The following PCDH15 variants were observed in gnomAD, a reference collection of about 807,000 sequenced individuals.
The protein encoded by PCDH15 is protocadherin-15.
Under a neutral mutation model 178.5 loss-of-function variants are expected in PCDH15, and 129 were observed. That is an observed-to-expected ratio of 0.72 (90% CI 0.63 to 0.84). The LOEUF (loss-of-function observed/expected upper bound fraction) is 0.84, where lower values mean the gene tolerates loss of function less well. Ranked by LOEUF, PCDH15 falls within the 40% of genes least tolerant of loss-of-function variation. The pLI is 0.00. For synonymous variants in PCDH15, 800 were observed against 732.0 expected, an observed-to-expected ratio of 1.09 and a Z score of -1.50; for missense variants, 2,230 against 2,099.9, an observed-to-expected ratio of 1.06 and a Z score of -1.21.
intron 3 of PCDH15, among the ~76,000 whole-genome samples, chr10:54,883,016 A>T (rs7350404): frequency 0.75 from 113,220 of 151,814 alleles, 42,595 homozygotes; most frequent in East Asian, 0.89. Flanking sequence ...AACCATAGCA[A>T]CCAAGCTGCA....
At chr10:53,808,773 TACCTGATAGCCCCATGG>T in intron 37 of PCDH15, 1 of 1,612,448 alleles carries the variant, frequency 6.2e-7, no homozygotes, top group Non-Finnish European at 8.5e-7. Flanking sequence ...CATACGCTGG[TACCTGATAGCCCCATGG>T]ACCTCCAGAC....
chr10:54,563,029 T>C lies in PCDH15; in HGVS notation c.92-35152A>G, dbSNP rs185899899. ...TTACTCATGTATAGGAGATAAAAGA[T>C]AGTGAATTCTTAGCAGGCTTCAAAC... On this transcript the variant is annotated intron_variant, in intron 2 of 37. Transcript: ENST00000644397. Among the ~76,000 whole-genome samples, 4 of 152,270 alleles carry C rather than the reference T, an allele frequency of 2.6e-5. No homozygotes were observed. In the East Asian group the frequency reaches 5.8e-4, roughly 22 times the overall value.
chr10:53,949,065 G>C (rs899050960), intron 23 of PCDH15, among the ~76,000 whole-genome samples: 2 of 152,210 alleles, frequency 1.3e-5, no homozygotes, highest in African/African-American at 4.8e-5. Context: ...TTGGACTTGA[G>C]TCCTTTGTTG....
At chr10:55,600,450 A>T (rs1023718500) in intron 2 of PCDH15, among the ~76,000 whole-genome samples, 1 of 152,182 alleles carries the variant, frequency 6.6e-6, no homozygotes, top group Admixed American at 6.5e-5. Context: ...AGTGTAAGTC[A>T]GTTATTACAC....
chr10:55,555,443 A>C (rs2132092332), intron 2 of PCDH15, among the ~76,000 whole-genome samples: 1 of 152,208 alleles, frequency 6.6e-6, no homozygotes, highest in African/African-American at 2.4e-5. Context: ...TTAAAAATTC[A>C]TTTAATCCTG....
chr10:54,888,837 T>C (rs989979629), intron 3 of PCDH15, among the ~76,000 whole-genome samples: 4 of 151,640 alleles, frequency 2.6e-5, no homozygotes, highest in African/African-American at 4.8e-5. Context: ...TTTTGAGTTT[T>C]TGTACATGCT....
intron 2 of PCDH15, among the ~76,000 whole-genome samples, chr10:55,033,213 G>T (rs988660714): frequency 3.3e-5 from 5 of 152,138 alleles, no homozygotes; most frequent in Non-Finnish European, 5.9e-5. Context: ...AGGGGGCAGG[G>T]GGACAGCTAC....
chr10:54,279,847 A>G (rs1316983741), intron 8 of PCDH15, among the ~76,000 whole-genome samples: 1 of 151,772 alleles, frequency 6.6e-6, no homozygotes, highest in East Asian at 1.9e-4. Flanking sequence ...TGCGCATGGT[A>G]GACATCTGGT....
chr10:55,319,856 T>C (rs764111746), upstream of PCDH15, among the ~76,000 whole-genome samples: 24 of 152,202 alleles, frequency 1.6e-4, no homozygotes, highest in Non-Finnish European at 2.9e-4. Flanking sequence ...CAGTGGAGCA[T>C]AGCCAGTGAC....
chr10:55,567,966 T>C (rs1007313821), intron 2 of PCDH15, among the ~76,000 whole-genome samples: 1 of 152,004 alleles, frequency 6.6e-6, no homozygotes, highest in African/African-American at 2.4e-5. Flanking sequence ...GCACTGTTAG[T>C]GGGAATAAAT....
intron 1 of PCDH15, among the ~76,000 whole-genome samples, chr10:55,226,590 C>T (rs545546697): frequency 1.3e-5 from 2 of 151,864 alleles, no homozygotes; most frequent in Non-Finnish European, 2.9e-5. Flanking sequence ...TCATGTTGGC[C>T]AGGCTGGTCT....
intron 2 of PCDH15, among the ~76,000 whole-genome samples, chr10:54,930,832 G>T (rs1837753732): frequency 6.6e-6 from 1 of 152,100 alleles, no homozygotes; most frequent in Admixed American, 6.6e-5. Flanking sequence ...ATTGAACAAA[G>T]AGATCTAATA....
chr10:55,469,672 A>C (rs1839914835), intron 2 of PCDH15, among the ~76,000 whole-genome samples: 1 of 152,012 alleles, frequency 6.6e-6, no homozygotes, highest in African/African-American at 2.4e-5. Flanking sequence ...AAATATTTTC[A>C]AGATTTCCAC....
intron 36 of PCDH15, among the ~76,000 whole-genome samples, chr10:53,811,183 G>T (rs1337775201): frequency 6.6e-6 from 1 of 152,062 alleles, no homozygotes; most frequent in East Asian, 1.9e-4. Context: ...TTTCCTAACT[G>T]CTCTTGGGCA....
intron 9 of PCDH15, among the ~76,000 whole-genome samples, chr10:54,224,886 C>A (rs1454045168): frequency 6.6e-6 from 1 of 152,000 alleles, no homozygotes; most frequent in Admixed American, 6.6e-5. Context: ...AGTTCTAAAT[C>A]TGTCTCCTTT....
chr10:53,936,859 A>G (rs139815736), intron 25 of PCDH15, among the ~76,000 whole-genome samples: 2,641 of 152,216 alleles, frequency 0.017, 34 homozygotes, highest in Middle Eastern at 0.027. Flanking sequence ...TAGCTAACTA[A>G]TTAACCTCAA....
At chr10:54,136,131 C>A (rs988173609) in intron 14 of PCDH15, among the ~76,000 whole-genome samples, 1 of 152,070 alleles carries the variant, frequency 6.6e-6, no homozygotes, top group Non-Finnish European at 1.5e-5. Flanking sequence ...TCCTTCACCC[C>A]TCCTGAGCAT....
intron 2 of PCDH15, among the ~76,000 whole-genome samples, chr10:54,591,576 GT>G (rs2133940854): frequency 6.6e-6 from 1 of 152,080 alleles, no homozygotes; most frequent in East Asian, 1.9e-4. Flanking sequence ...TTACATTTGT[GT>G]TGTTTTAAGG....
At chr10:53,956,831 CT>C (rs1361879811) in intron 23 of PCDH15, among the ~76,000 whole-genome samples, 1 of 152,134 alleles carries the variant, frequency 6.6e-6, no homozygotes, top group Non-Finnish European at 1.5e-5. Flanking sequence ...AATTGGCTAA[CT>C]TTTGCTCTCT....
Sources: gnomAD v4.1 joint callset for allele counts (sites outside exome capture counted in the v4.1 genomes callset) on GRCh38, gnomAD v4.1.1 for gene constraint, MANE v1.5 for transcripts, NCBI Gene and HGNC (gene_info 2026-07-23, HGNC 2026-07-21) for gene names.